Variants in ZNF439 observed in about 807,000 individuals in gnomAD.
The protein encoded by ZNF439 is zinc finger protein 439.
In ZNF439, 40 loss-of-function variants were observed where a neutral mutation model predicts 47.3. The ratio of observed to expected loss-of-function variants is 0.85; its 90% CI spans 0.66 to 1.10. The LOEUF is 1.10. Among genes scored for constraint, ZNF439 ranks in the 50% least tolerant of loss-of-function variants. The pLI is 0.00. For synonymous variants in ZNF439, 171 were observed against 198.8 expected, an observed-to-expected ratio of 0.86 and a Z score of 1.18; for missense variants, 556 against 601.1, an observed-to-expected ratio of 0.93 and a Z score of 0.78.
At chr19:11,853,664 A>G (rs888422817) in intron 1 of ZNF439, among the ~76,000 whole-genome samples, 6 of 152,186 alleles carry the variant, frequency 3.9e-5, no homozygotes, top group African/African-American at 1.4e-4. Flanking sequence ...TATAGCCTTC[A>G]GTGGAAAGCT....
intron 1 of ZNF439, 170 bp downstream of exon 1, chr19:11,849,100 G>A: frequency 1.7e-6 from 2 of 1,204,560 alleles, no homozygotes; most frequent in Non-Finnish European, 2.1e-6. Flanking sequence ...CCGGGACTCC[G>A]GGCGTCCTGT....
intron 1 of ZNF439, chr19:11,856,546 G>A (rs1021256086): frequency 6.6e-6 from 1 of 152,234 alleles, no homozygotes; most frequent in African/African-American, 2.4e-5. Context: ...CATGAACATA[G>A]CTAAGCTTGC....
intron 2 of ZNF439, 51 bp from the exon 3 acceptor site, chr19:11,866,486 T>A: frequency 6.2e-7 from 1 of 1,605,978 alleles, no homozygotes; most frequent in Non-Finnish European, 8.5e-7. Context: ...CTAATAATTT[T>A]TTCACAATTT....
At chr19:11,859,661 A>C (rs1254716601) in intron 1 of ZNF439, among the ~76,000 whole-genome samples, 1 of 152,168 alleles carries the variant, frequency 6.6e-6, no homozygotes, top group South Asian at 2.1e-4. Flanking sequence ...GGATTATTTG[A>C]ATCGGGCCTT....
Position 11,868,650 on chromosome 19 carries a change from A to G in ZNF439, c.*81A>G, listed in dbSNP as rs529956507. ...AAAATTCACACTGGAGAGAAACCCT[A>G]TAAATGCAAGCAATGTGGTAAAGCC... is the stretch of plus-strand genomic sequence containing the variant. On this transcript the variant is annotated 3_prime_UTR_variant, in exon 4 of 4. Coordinates refer to ENST00000682736, the MANE Select transcript of ZNF439 (RefSeq NM_001348719.2). The G allele has an allele frequency of 5.2e-5, 75 of 1,438,272 alleles. No homozygotes were observed. The African/African-American group carries it at 8.3e-4, about 16-fold the overall frequency. The allele number at this position is 1,438,272 out of a possible 1,614,324, so 89.1% of individuals were successfully genotyped here. A position where few individuals can be genotyped will look rare whatever the true frequency, so the allele number is the denominator to read the frequency against.
At chr19:11,851,887 G>T (rs1337731200) in intron 1 of ZNF439, among the ~76,000 whole-genome samples, 1 of 152,122 alleles carries the variant, frequency 6.6e-6, no homozygotes, top group Non-Finnish European at 1.5e-5. Flanking sequence ...GCCTCAAACA[G>T]TCCTCCTTCT....
chr19:11,854,485 C>T (rs893640739), intron 1 of ZNF439, among the ~76,000 whole-genome samples: 18 of 152,256 alleles, frequency 1.2e-4, no homozygotes, highest in African/African-American at 3.9e-4. Context: ...TGTGGCCAGG[C>T]ACAGTGGCTC....
Position 11,868,349 on chromosome 19 carries a change from T to C in ZNF439, c.1295T>C (p.Leu432Ser), listed in dbSNP as rs10500209. 0.24 allele frequency: 394,813 copies of C among 1,613,410 alleles called. 53,296 individuals carry two copies. Among genetic ancestry groups the C allele is most frequent in the Non-Finnish European group, 0.28 (328,738 of 1,179,844 alleles). ...KAFRSAPNLQ[L>S]HGRTHTGEKP... is the part of the protein sequence containing the mutation. ...TTCAGATCTGCCCCAAATCTTCAAT[T>C]GCATGGTAGGACTCACACTGGAGAG... Residue 432 changes from leucine to serine, a missense_variant, in exon 4 of 4, where the codon TTG becomes TCG. Transcript: ENST00000682736.
rs1050200828 is a variant in ZNF439 at position 11,868,935 on chromosome 19, C to T, written c.*366C>T. 6.0e-6 allele frequency: 2 copies of T among 332,092 alleles called. No homozygotes were observed. The highest frequency in any genetic ancestry group is 1.6e-4 in the East Asian group (2 of 12,522). 20.6% of individuals were successfully genotyped at this position (332,092 alleles called of 1,614,324 possible). ...CATTGTGGGAAAGCATTCATATCTG[C>T]CAAGATCGTTTGAATACATGCAAAA... On this transcript the variant is annotated 3_prime_UTR_variant, in exon 4 of 4. Transcript: ENST00000682736.
At chr19:11,862,146 G>A (rs1976556809) in intron 1 of ZNF439, among the ~76,000 whole-genome samples, 1 of 151,990 alleles carries the variant, frequency 6.6e-6, no homozygotes, top group African/African-American at 2.4e-5. Context: ...CCAAGCTCAG[G>A]TGATCCTCCT....
chr19:11,867,549 T>G lies in ZNF439; in HGVS notation c.495T>G (p.Ser165Arg), dbSNP rs1171505889. Residue 165 changes from serine (S) to arginine (R), a missense_variant, in exon 4 of 4, where the codon AGT (serine) becomes AGG (arginine). Ser to Arg is a moderately radical substitution (Grantham distance 110). Transcript: ENST00000682736. ...AATATGGACCAAAGCCATGGAAGAG[T>G]CAACAACCTAAAAAAGCCTTCAGAT... ...CQEYGPKPWK[S>R]QQPKKAFRYH... 2 of 1,613,662 alleles carry G rather than the reference T, an allele frequency of 1.2e-6. No individual in the cohort carries two copies. The highest frequency in any genetic ancestry group is 2.7e-5 in the African/African-American group (2 of 74,818).
At chr19:11,853,788 T>C (rs1976313548) in intron 1 of ZNF439, among the ~76,000 whole-genome samples, 1 of 152,182 alleles carries the variant, frequency 6.6e-6, no homozygotes, top group Admixed American at 6.5e-5. Flanking sequence ...TGATTGGCGG[T>C]CCATCTGATT....
rs181269784 is a variant in ZNF439, at chr19:11,858,454, A to G, written c.64-7751A>G. Among the ~76,000 whole-genome samples, 49 of 144,612 alleles carry G rather than the reference A, an allele frequency of 3.4e-4. No individual in the cohort carries two copies. The East Asian group carries it at 8.7e-3, about 26-fold the overall frequency. 94.9% of individuals were successfully genotyped at this position (144,612 alleles called of 152,430 possible). A position where few individuals can be genotyped will look rare whatever the true frequency, so the allele number is the denominator to read the frequency against. On this transcript the variant is annotated intron_variant, in intron 1 of 3. Transcript: ENST00000682736. Reference sequence around the variant, plus strand: ...GCACTCCAGCCTGGGCGACAGAGCGAGACTCCATCTCGGAAAAAAAAAAAA... The same window carrying G: ...GCACTCCAGCCTGGGCGACAGAGCGGGACTCCATCTCGGAAAAAAAAAAAA...
intron 1 of ZNF439, among the ~76,000 whole-genome samples, chr19:11,851,480 T>C (rs2145153199): frequency 1.3e-5 from 2 of 152,228 alleles, no homozygotes; most frequent in South Asian, 4.1e-4. Context: ...TGGGAAACAT[T>C]TTATGACTAT....
At chr19:11,856,406 T>A (rs1273687944) in intron 1 of ZNF439, 1 of 152,210 alleles carries the variant, frequency 6.6e-6, no homozygotes, top group African/African-American at 2.4e-5. Context: ...AGCAGGTCCA[T>A]TGTCCGTTTT....
At chr19:11,859,768 G>T (rs777746751) in intron 1 of ZNF439, among the ~76,000 whole-genome samples, 1 of 152,180 alleles carries the variant, frequency 6.6e-6, no homozygotes, top group Non-Finnish European at 1.5e-5. Flanking sequence ...TGCTACCGAA[G>T]GAGGCAGTAC....
chr19:11,850,595 C>T (rs554472718), intron 1 of ZNF439: 3 of 151,968 alleles, frequency 2.0e-5, no homozygotes, highest in Non-Finnish European at 4.4e-5. Context: ...AAAATGGACT[C>T]AGTACTCCAA....
At chr19:11,849,163 T>C in intron 1 of ZNF439, 1 of 1,090,150 alleles carries the variant, frequency 9.2e-7, no homozygotes. Flanking sequence ...TTTGTGCAGC[T>C]CCGCGCCCGC....
chr19:11,862,007 T>G (rs1976553511), intron 1 of ZNF439, among the ~76,000 whole-genome samples: 1 of 152,196 alleles, frequency 6.6e-6, no homozygotes, highest in Admixed American at 6.5e-5. Context: ...GGTGACTTGC[T>G]TCTTTCATGT....
Sources: allele counts gnomAD v4.1 joint callset (sites outside exome capture counted in the v4.1 genomes callset), GRCh38; gene constraint gnomAD v4.1.1; transcripts MANE v1.5; gene names NCBI Gene and HGNC (gene_info 2026-07-23, HGNC 2026-07-21).